SH3BP4: variants seen among roughly 807,000 people sequenced by gnomAD.
SH3BP4 encodes the protein SH3 domain binding protein 4, also known as SH3 domain-binding protein 4.
Under a neutral mutation model 65.5 loss-of-function variants are expected in SH3BP4, and 33 were observed. The ratio of observed to expected loss-of-function variants is 0.50; its 90% confidence interval spans 0.38 to 0.67. The LOEUF (loss-of-function observed/expected upper bound fraction) is 0.67. SH3BP4 is among the 30% of genes least tolerant of loss of function. The pLI is 0.00. For missense variants in SH3BP4, 1,134 were observed against 1,261.4 expected, an observed-to-expected ratio of 0.90 and a Z score of 1.53; for synonymous variants, 552 against 545.5, an observed-to-expected ratio of 1.01 and a Z score of -0.17.
rs555590680 is a variant in SH3BP4, at chr2:235,026,044, C to G, written c.-132-8827C>G. Among the ~76,000 whole-genome samples the G allele has an allele frequency of 2.6e-5, 4 of 152,242 alleles. No individual in the cohort carries two copies. The highest frequency in any genetic ancestry group is 2.6e-4 in the Admixed American group (4 of 15,296). On this transcript the variant is annotated intron_variant, in intron 2 of 5. Coordinates refer to ENST00000392011, the MANE Select transcript of SH3BP4 (RefSeq NM_014521.3). The surrounding 1 kb of genome is among the most constrained non-coding windows in gnomAD (Gnocchi z 4.6). Reference sequence around the variant, plus strand: ...TCTGAAGAGTCTGAAGTAATGGTTGCTTTGAATGCAAGGAGATTCTGGGAT... The same window carrying G: ...TCTGAAGAGTCTGAAGTAATGGTTGGTTTGAATGCAAGGAGATTCTGGGAT...
At chr2:235,044,333 G>A (rs1323391263) in intron 4 of SH3BP4, among the ~76,000 whole-genome samples, 2 of 152,242 alleles carry the variant, frequency 1.3e-5, no homozygotes, top group Non-Finnish European at 2.9e-5. Context: ...TTTGCTCAAC[G>A]CTTTCTTAGC....
intron 2 of SH3BP4, among the ~76,000 whole-genome samples, chr2:235,005,529 A>G (rs1478914391): frequency 6.6e-6 from 1 of 152,122 alleles, no homozygotes; most frequent in South Asian, 2.1e-4. Context: ...TACTGAGTGA[A>G]GATCTCCAAG....
rs925895981 is a variant in SH3BP4 at position 235,052,779 on chromosome 2, C to G, written c.2667+29C>G. 4 of 1,533,258 alleles carry G rather than the reference C, an allele frequency of 2.6e-6. No homozygotes were observed. Among genetic ancestry groups the G allele is most frequent in the African/African-American group, 2.7e-5 (2 of 72,730 alleles). 95.0% of individuals were successfully genotyped at this position (1,533,258 alleles called of 1,614,324 possible). On this transcript the variant is annotated intron_variant, in intron 5 of 5. Coordinates refer to ENST00000392011, the MANE Select transcript of SH3BP4 (RefSeq NM_014521.3). The surrounding 1 kb of genome is among the most constrained non-coding windows in gnomAD (Gnocchi z 5.0). ...AGCAGCGGCTGAGCTTCGAGCTCAC[C>G]GAGCCCCTCTGTCCCTGGGTTCCGT...
At chr2:234,984,736 A>T (rs73124245) in intron 1 of SH3BP4, among the ~76,000 whole-genome samples, 4 of 152,090 alleles carry the variant, frequency 2.6e-5, no homozygotes, top group African/African-American at 9.7e-5. Context: ...CAGAAAACCC[A>T]GTGGTCTAGC....
At position 235,052,447 on chromosome 2, in the gene SH3BP4, A is replaced by G. The variant is rs1696086728; in HGVS notation, c.2479-115A>G. On this transcript the variant is annotated intron_variant, in intron 4 of 5. Transcript: ENST00000392011. The surrounding 1 kb of genome is among the most constrained non-coding windows in gnomAD (Gnocchi z 5.0). ...GGGACATTTGGTAGTAGGCCAGGGA[A>G]CATGGAGAATAGAGAGCCCATGGCC... is the stretch of plus-strand genomic sequence containing the variant. The G allele has an allele frequency of 2.8e-6, 2 of 724,840 alleles. No individual in the cohort carries two copies. Among genetic ancestry groups the G allele is most frequent in the East Asian group, 2.8e-5 (1 of 36,220 alleles). The allele number at this position is 724,840 out of a possible 1,614,324, so 44.9% of individuals were successfully genotyped here. A position where few individuals can be genotyped will look rare whatever the true frequency, so the allele number is the denominator to read the frequency against.
At chr2:234,990,390 G>A (rs191949748) in intron 1 of SH3BP4, among the ~76,000 whole-genome samples, 85 of 152,256 alleles carry the variant, frequency 5.6e-4, no homozygotes, top group African/African-American at 1.8e-3. Context: ...AGGCTTACAC[G>A]TTTTCCAGTT....
At chr2:235,038,404 T>C (rs1227086140) in intron 3 of SH3BP4, among the ~76,000 whole-genome samples, 1 of 82,170 alleles carries the variant, frequency 1.2e-5, no homozygotes, top group African/African-American at 4.9e-5. Context: ...TATATATATA[T>C]ATATATATAT....
rs1695313636 is a variant in SH3BP4, at chr2:235,034,636, G to T, written c.-132-235G>T. On this transcript the variant is annotated intron_variant, in intron 2 of 5. Coordinates refer to ENST00000392011, the MANE Select transcript of SH3BP4 (RefSeq NM_014521.3). The surrounding 1 kb of genome is among the most constrained non-coding windows in gnomAD (Gnocchi z 6.2). ...TAAGAAGAGCAGGTGCAAACAGCCG[G>T]CCAGAAAACACTGCTTGGGCTGTGT... 6.6e-6 allele frequency among the ~76,000 whole-genome samples: 1 copy of T among 152,180 alleles called. No homozygotes were observed. The highest frequency in any genetic ancestry group is 2.4e-5 in the African/African-American group (1 of 41,444).
chr2:235,006,209 G>T (rs1487856730), intron 2 of SH3BP4, among the ~76,000 whole-genome samples: 1 of 152,240 alleles, frequency 6.6e-6, no homozygotes, highest in East Asian at 1.9e-4. Context: ...ATGGGAGTCA[G>T]CCTTGGTCTC....
At chr2:234,975,758 C>T (rs1182350676) in intron 1 of SH3BP4, among the ~76,000 whole-genome samples, 1 of 152,120 alleles carries the variant, frequency 6.6e-6, no homozygotes. Context: ...TGCCTGTAGA[C>T]TCAGCTACCC....
At chr2:235,037,816 A>G (rs1695434120) in intron 3 of SH3BP4, among the ~76,000 whole-genome samples, 2 of 152,064 alleles carry the variant, frequency 1.3e-5, no homozygotes, top group Admixed American at 1.3e-4. Flanking sequence ...ACCCACATCA[A>G]TTCTTCCCAC....
rs1416256126 is a variant in SH3BP4 at position 235,033,353 on chromosome 2, G to T, written c.-132-1518G>T. Among the ~76,000 whole-genome samples, 1 of 152,208 alleles carries T rather than the reference G, an allele frequency of 6.6e-6. No individual in the cohort carries two copies. Among genetic ancestry groups the T allele is most frequent in the East Asian group, 1.9e-4 (1 of 5,192 alleles). On this transcript the variant is annotated intron_variant, in intron 2 of 5. Coordinates refer to ENST00000392011, the MANE Select transcript of SH3BP4 (RefSeq NM_014521.3). The surrounding 1 kb of genome is among the most constrained non-coding windows in gnomAD (Gnocchi z 5.7). ...GTGTCTCAAATAAAGGCGCTGATCT[G>T]ATCATGAGGACCCCACCTTCATGAT...
At chr2:234,971,154 C>G (rs1692988806) in intron 1 of SH3BP4, among the ~76,000 whole-genome samples, 1 of 152,046 alleles carries the variant, frequency 6.6e-6, no homozygotes, top group African/African-American at 2.4e-5. Context: ...AATTCTGTAC[C>G]CGTTTCCTCC....
Position 234,974,181 on chromosome 2 carries a change from C to T in SH3BP4, c.-206-21122C>T, listed in dbSNP as rs1400952722. Among the ~76,000 whole-genome samples the T allele has an allele frequency of 2.0e-5, 3 of 152,142 alleles. No homozygotes were observed. Among genetic ancestry groups the T allele is most frequent in the East Asian group, 2.0e-4 (1 of 5,112 alleles). ...AGGAGTTCGAGACCAGCCTGGCCAA[C>T]GTGGTGAAGCCCCATCTCTAATAAA... is the stretch of plus-strand genomic sequence containing the variant. On this transcript the variant is annotated intron_variant, in intron 1 of 5. Coordinates refer to ENST00000392011, the MANE Select transcript of SH3BP4 (RefSeq NM_014521.3). The surrounding 1 kb of genome is among the most constrained non-coding windows in gnomAD (Gnocchi z 4.6).
intron 2 of SH3BP4, among the ~76,000 whole-genome samples, chr2:235,027,120 C>A (rs944047722): frequency 1.3e-4 from 20 of 152,242 alleles, no homozygotes; most frequent in African/African-American, 4.6e-4. Context: ...CGCCCTGAGT[C>A]GTAGCCTTGC....
At chr2:234,998,339 A>AT (rs1330870136) in intron 2 of SH3BP4, among the ~76,000 whole-genome samples, 3 of 151,734 alleles carry the variant, frequency 2.0e-5, no homozygotes, top group Non-Finnish European at 4.4e-5. Flanking sequence ...GGTAAACATA[A>AT]TTTTTTTTCT....
chr2:235,030,383 G>A lies in SH3BP4; in HGVS notation c.-132-4488G>A, dbSNP rs1427705979. ...TTGCTTTAGTGATCTCTCCAAGCCC[G>A]TTTTCATGGAATCTGTAAAGTGCAG... On this transcript the variant is annotated intron_variant, in intron 2 of 5. Coordinates refer to ENST00000392011, the MANE Select transcript of SH3BP4 (RefSeq NM_014521.3). The surrounding 1 kb of genome is among the most constrained non-coding windows in gnomAD (Gnocchi z 4.1). 6.6e-6 allele frequency among the ~76,000 whole-genome samples: 1 copy of A among 152,170 alleles called. No individual in the cohort carries two copies. Among genetic ancestry groups the A allele is most frequent in the Non-Finnish European group, 1.5e-5 (1 of 68,032 alleles).
chr2:235,040,324 T>C (rs2106332137), intron 3 of SH3BP4, among the ~76,000 whole-genome samples: 1 of 152,242 alleles, frequency 6.6e-6, no homozygotes, highest in Middle Eastern at 3.4e-3. Flanking sequence ...GGAAACAGTT[T>C]GGTGAGGAAC....
chr2:234,997,020 C>T lies in SH3BP4; in HGVS notation c.-133+1644C>T, dbSNP rs566507874. Among the ~76,000 whole-genome samples, 1 of 152,364 alleles carries T rather than the reference C, an allele frequency of 6.6e-6. No homozygotes were observed. Among genetic ancestry groups the T allele is most frequent in the African/African-American group, 2.4e-5 (1 of 41,588 alleles). ...GAGGGTGGGACGGGTGCCGCCATCCCACAGCGGTGCCCGCTTGTCTCCGTG... is the reference window on the plus strand; with the variant it reads ...GAGGGTGGGACGGGTGCCGCCATCCTACAGCGGTGCCCGCTTGTCTCCGTG... On this transcript the variant is annotated intron_variant, in intron 2 of 5. Transcript: ENST00000392011. The surrounding 1 kb of genome is among the most constrained non-coding windows in gnomAD (Gnocchi z 4.2).
Sources: gnomAD v4.1 joint callset for allele counts (sites outside exome capture counted in the v4.1 genomes callset) on GRCh38, gnomAD v4.1.1 for gene constraint, Gnocchi (gnomAD v3.1) non-coding constraint, MANE v1.5 for transcripts, NCBI Gene and HGNC (gene_info 2026-07-23, HGNC 2026-07-21) for gene names.